DMD: variants seen among roughly 807,000 people sequenced by gnomAD.
DMD encodes the protein dystrophin.
In DMD, 63 loss-of-function variants were observed where a neutral mutation model predicts 330.1. The ratio of observed to expected loss-of-function variants is 0.19; its 90% CI spans 0.16 to 0.24. The LOEUF is 0.24. Among genes scored for constraint, DMD ranks in the 10% least tolerant of loss-of-function variants. The pLI, the probability that DMD is intolerant of heterozygous loss-of-function variation, is 1.00. For synonymous variants in DMD, 1,223 were observed against 959.8 expected (o/e 1.27, Z -5.07); for missense variants, 3,344 against 2,684.1 (o/e 1.25, Z -5.43).
chrX:33,061,662 C>G (rs2094582523), intron 1 of DMD, among the ~76,000 whole-genome samples: 1 of 111,409 alleles, frequency 9.0e-6, no homozygotes, highest in Admixed American at 9.6e-5. Flanking sequence ...CGGTTTTGTA[C>G]CTGTTTACTA....
chrX:33,214,978 A>T (rs1278451811), upstream of DMD, among the ~76,000 whole-genome samples: 1 of 112,383 alleles, frequency 8.9e-6, no homozygotes, highest in East Asian at 2.8e-4. Context: ...GCACATTTAA[A>T]AATGTTTACG....
At chrX:33,212,938 A>G (rs897627771), upstream of DMD, among the ~76,000 whole-genome samples, 2 of 111,651 alleles carry the variant, frequency 1.8e-5, no homozygotes, top group African/African-American at 6.5e-5. Context: ...GCTGTGAGGT[A>G]CAATATTGCC....
intron 44 of DMD, among the ~76,000 whole-genome samples, chrX:32,016,537 G>GA (rs199980810): frequency 0.036 from 4,023 of 112,254 alleles, 67 homozygotes; most frequent in Non-Finnish European, 0.057. Flanking sequence ...CTTCCTAGCA[G>GA]TGCCTGGCAC....
At chrX:32,256,466 A>G (rs1243404571) in intron 43 of DMD, among the ~76,000 whole-genome samples, 2 of 109,848 alleles carry the variant, frequency 1.8e-5, no homozygotes, top group Non-Finnish European at 3.8e-5. Flanking sequence ...TCTTTATCCA[A>G]TTTGCCAGTC....
intron 51 of DMD, among the ~76,000 whole-genome samples, 156 bp downstream of exon 51, chrX:31,773,804 T>C (rs2090494049): frequency 9.4e-6 from 1 of 106,008 alleles, no homozygotes; most frequent in African/African-American, 3.5e-5. Flanking sequence ...ATATCCTTGA[T>C]TATACTTAGG....
chrX:31,819,648 A>C (rs1237378268), intron 50 of DMD, among the ~76,000 whole-genome samples: 1 of 112,962 alleles, frequency 8.9e-6, no homozygotes. Context: ...CAGCCAGCCC[A>C]GATGTAGGGC....
At chrX:31,404,329 T>C (rs1221124282) in intron 60 of DMD, among the ~76,000 whole-genome samples, 1 of 111,941 alleles carries the variant, frequency 8.9e-6, no homozygotes, top group Non-Finnish European at 1.9e-5. Context: ...CAGCCTTCAT[T>C]TGCAACTCTG....
chrX:32,755,452 G>A (rs935396152), intron 7 of DMD, among the ~76,000 whole-genome samples: 4 of 111,516 alleles, frequency 3.6e-5, no homozygotes, highest in Non-Finnish European at 7.5e-5. Context: ...AAGAATCCCT[G>A]AAATGTATTC....
chrX:32,155,973 AACACACACACACACACACACAC>A (rs60347530), intron 44 of DMD, among the ~76,000 whole-genome samples: 31 of 95,766 alleles, frequency 3.2e-4, no homozygotes, highest in African/African-American at 1.1e-3. Flanking sequence ...TTTGTCATTC[AACACACACACACACACACACAC>A]ACACACACAC....
intron 43 of DMD, among the ~76,000 whole-genome samples, chrX:32,283,376 C>A (rs2097427897): frequency 9.0e-6 from 1 of 111,720 alleles, no homozygotes; most frequent in African/African-American, 3.3e-5. Context: ...ACCAATATAG[C>A]CCTTCTTACT....
intron 19 of DMD, among the ~76,000 whole-genome samples, chrX:32,499,342 T>C (rs2148675867): frequency 8.9e-6 from 1 of 111,929 alleles, no homozygotes; most frequent in East Asian, 2.8e-4. Context: ...TATGAATATA[T>C]GTTAAATATT....
At chrX:31,982,010 G>T (rs1043278316) in intron 44 of DMD, among the ~76,000 whole-genome samples, 1 of 111,921 alleles carries the variant, frequency 8.9e-6, no homozygotes, top group African/African-American at 3.2e-5. Flanking sequence ...CTGAATGATG[G>T]AACAAGGAGC....
intron 55 of DMD, among the ~76,000 whole-genome samples, chrX:31,588,702 T>C (rs1054913297): frequency 2.7e-5 from 3 of 110,773 alleles, no homozygotes; most frequent in African/African-American, 9.8e-5. Context: ...TATATTGTCA[T>C]TCAGTCATTT....
At chrX:32,880,349 G>T (rs750358663) in intron 2 of DMD, among the ~76,000 whole-genome samples, 18 of 108,023 alleles carry the variant, frequency 1.7e-4, no homozygotes, top group African/African-American at 5.8e-4. Flanking sequence ...GCCTATAAAA[G>T]ATGTTTAATC....
At chrX:32,887,047 T>G (rs1444136141) in intron 2 of DMD, among the ~76,000 whole-genome samples, 2 of 111,991 alleles carry the variant, frequency 1.8e-5, no homozygotes, top group African/African-American at 6.5e-5. Context: ...ATTGGGAATA[T>G]TAATAATTGG....
chrX:33,105,508 A>G (rs1218377569), intron 1 of DMD, among the ~76,000 whole-genome samples: 3 of 112,499 alleles, frequency 2.7e-5, no homozygotes, highest in African/African-American at 9.7e-5. Context: ...AGAATGGAAA[A>G]AAATATTTGC....
chrX:32,756,808 C>T (rs2071566207), intron 7 of DMD, among the ~76,000 whole-genome samples: 1 of 111,556 alleles, frequency 9.0e-6, no homozygotes, highest in Admixed American at 9.6e-5. Context: ...CTGTCACTTG[C>T]CCCATCTACA....
chrX:32,352,044 T>C (rs1169280836), intron 37 of DMD, among the ~76,000 whole-genome samples: 1 of 111,140 alleles, frequency 9.0e-6, no homozygotes, highest in Non-Finnish European at 1.9e-5. Flanking sequence ...TTTTGTGTAG[T>C]TTCAAAGTGA....
intron 7 of DMD, among the ~76,000 whole-genome samples, chrX:32,781,616 T>G (rs1293143516): frequency 9.1e-6 from 1 of 110,088 alleles, no homozygotes; most frequent in Non-Finnish European, 1.9e-5. Flanking sequence ...CTTCCCTTGC[T>G]GCTGCTTGTG....
Sources: allele counts gnomAD v4.1 joint callset (sites outside exome capture counted in the v4.1 genomes callset), GRCh38; gene constraint gnomAD v4.1.1; transcripts MANE v1.5; gene names NCBI Gene and HGNC (gene_info 2026-07-23, HGNC 2026-07-21).